The following CABYR variants were observed in gnomAD, a reference collection of about 807,000 sequenced individuals.
CABYR encodes the protein calcium binding tyrosine phosphorylation regulated.
Under a neutral mutation model 36.1 loss-of-function variants are expected in CABYR, and 31 were observed. The observed-to-expected ratio is 0.86, with a 90% confidence interval of 0.64 to 1.16. The LOEUF (loss-of-function observed/expected upper bound fraction) is 1.16, where lower values mean the gene tolerates loss of function less well. Among genes scored for constraint, CABYR ranks in the 50% most tolerant of loss-of-function variants. CABYR has a pLI of 0.00. For synonymous variants in CABYR, 146 were observed against 160.7 expected, an observed-to-expected ratio of 0.91 and a Z score of 0.69; for missense variants, 429 against 455.8, an observed-to-expected ratio of 0.94 and a Z score of 0.53.
intron 3 of CABYR, among the ~76,000 whole-genome samples, chr18:24,149,877 C>A (rs1220788003): frequency 6.6e-6 from 1 of 152,236 alleles, no homozygotes; most frequent in Non-Finnish European, 1.5e-5. Flanking sequence ...CATGCCCACT[C>A]GGAACTCCAG....
chr18:24,154,352 A>C (rs1377041893), intron 3 of CABYR, among the ~76,000 whole-genome samples: 4 of 152,166 alleles, frequency 2.6e-5, no homozygotes, highest in Admixed American at 2.6e-4. Context: ...GCTTTCCTAA[A>C]AACTGGATGG....
At position 24,140,863 on chromosome 18, in the gene CABYR, A is replaced by G. The variant is rs140235654; in HGVS notation, c.-25+1745A>G. On this transcript the variant is annotated intron_variant, in intron 1 of 5. Coordinates refer to ENST00000399496, the MANE Select transcript of CABYR (RefSeq NM_153769.3). ...CTCCAGTTCCATCCACTTTGTTGCA[A>G]ATGACAGGATCTCATTCTTTTTTAA... Among the ~76,000 whole-genome samples the G allele has an allele frequency of 3.5e-3, 532 of 152,238 alleles. 3 individuals are homozygous for G. Among genetic ancestry groups the G allele is most frequent in the Non-Finnish European group, 6.2e-3 (419 of 68,026 alleles).
At chr18:24,142,093 G>A (rs763701890) in intron 1 of CABYR, among the ~76,000 whole-genome samples, 3 of 152,192 alleles carry the variant, frequency 2.0e-5, no homozygotes, top group African/African-American at 4.8e-5. Context: ...GGGAGCCTGT[G>A]GGTGGATCAC....
chr18:24,139,290 G>C (rs573452439), intron 1 of CABYR, among the ~76,000 whole-genome samples, 172 bp downstream of exon 1: 1 of 152,256 alleles, frequency 6.6e-6, no homozygotes, highest in South Asian at 2.1e-4. Flanking sequence ...CGACCAGACG[G>C]CCAGCTGCCG....
At chr18:24,155,627 CCTT>C in intron 3 of CABYR, 71 bp from the exon 4 acceptor site, 1 of 1,139,196 alleles carries the variant, frequency 8.8e-7, no homozygotes, top group Non-Finnish European at 1.3e-6. Context: ...CCTATTATTG[CCTT>C]CTTTAAAAAT....
In CABYR at chr18:24,156,026, T is replaced by G; in HGVS notation, c.525T>G (p.Leu175=). Residue 175 remains leucine (L), a synonymous_variant, in exon 4 of 6, where the codon CTT becomes CTG. Transcript: ENST00000399496. ...ACGTCCCAGCTGACCCAGCTCAGCTTGCTGCTCAGATGTTAGGTAAAGTTT... is the reference window on the plus strand; with the variant it reads ...ACGTCCCAGCTGACCCAGCTCAGCTGGCTGCTCAGATGTTAGGTAAAGTTT... ...FAYVPADPAQ[L]AAQMLAMATS... is the part of the protein sequence containing the mutation. 6.2e-7 allele frequency: 1 copy of G among 1,614,206 alleles called. No individual in the cohort carries two copies.
At chr18:24,161,195 C>G (rs2085970673) in intron 5 of CABYR, among the ~76,000 whole-genome samples, 1 of 152,154 alleles carries the variant, frequency 6.6e-6, no homozygotes, top group Non-Finnish European at 1.5e-5. Context: ...AGTTGAGCAT[C>G]TGAGAGATCG....
rs1437808147 is a variant in CABYR, at chr18:24,155,945, G to C, written c.444G>C (p.Lys148Asn). ...TTTCTTCCAAACCAGCCACCCCTAA[G>C]ACTACTACCCCACCCTCATCACCAC... ...GGLSSKPATPKTTTPPSSPPP... is the reference protein window; with the variant it reads ...GGLSSKPATPNTTTPPSSPPP... Residue 148 changes from lysine (K) to asparagine (N), a missense_variant, in exon 4 of 6, where the codon AAG becomes AAC. Coordinates refer to ENST00000399496, the MANE Select transcript of CABYR (RefSeq NM_153769.3). 1 of 1,614,022 alleles carries C rather than the reference G, an allele frequency of 6.2e-7. No individual in the cohort carries two copies. The highest frequency in any genetic ancestry group is 1.7e-5 in the Admixed American group (1 of 59,990).
intron 3 of CABYR, among the ~76,000 whole-genome samples, chr18:24,149,786 C>T (rs1235695226): frequency 6.6e-6 from 1 of 152,258 alleles, no homozygotes; most frequent in Non-Finnish European, 1.5e-5. Context: ...CCTATGCAGC[C>T]ACTGGCCTGG....
chr18:24,160,160 A>AAAAC (rs2085915168), intron 5 of CABYR, 91 bp downstream of exon 5: 1 of 949,168 alleles, frequency 1.1e-6, no homozygotes, highest in East Asian at 2.4e-5. Flanking sequence ...TAGATATTTA[A>AAAAC]AAACAATTTG....
In CABYR at chr18:24,156,033, C is replaced by T. The variant is rs1324648758; in HGVS notation, c.532C>T (p.Gln178Ter). ...AGCTGACCCAGCTCAGCTTGCTGCT[C>T]AGATGTTAGGTAAAGTTTCATCTAT... ...VPADPAQLAA[Q>*]MLAMATSERG... The change falls in exon 4 of 6, where the codon CAG (glutamine) becomes TAG (stop). Residue 178 changes from glutamine to a stop codon, truncating the protein, a stop_gained. Transcript: ENST00000399496. LOFTEE classifies it high-confidence loss of function. 1 of 1,614,216 alleles carries T rather than the reference C, an allele frequency of 6.2e-7. No individual in the cohort carries two copies. Among genetic ancestry groups the T allele is most frequent in the South Asian group, 1.1e-5 (1 of 91,076 alleles).
chr18:24,148,578 G>T, intron 3 of CABYR: 1 of 160,046 alleles, frequency 6.2e-6, no homozygotes, highest in South Asian at 2.0e-4. Flanking sequence ...CTTTAAGAAT[G>T]AAGCCGCGGA....
At chr18:24,144,015 A>G (rs1343187722) in intron 3 of CABYR, among the ~76,000 whole-genome samples, 1 of 151,840 alleles carries the variant, frequency 6.6e-6, no homozygotes, top group Non-Finnish European at 1.5e-5. Context: ...CTCCTGCCTC[A>G]GCCTCCCGAG....
chr18:24,148,014 G>C (rs567129678), intron 3 of CABYR, among the ~76,000 whole-genome samples: 1 of 152,322 alleles, frequency 6.6e-6, no homozygotes, highest in South Asian at 2.1e-4. Context: ...TCATGCTACT[G>C]CTCCAGGTGT....
At chr18:24,150,651 T>G in intron 3 of CABYR, 1 of 724,256 alleles carries the variant, frequency 1.4e-6, no homozygotes, top group African/African-American at 1.9e-5. Flanking sequence ...TTCCAATCAG[T>G]TCAATACAGA....
intron 4 of CABYR, chr18:24,156,664 C>CT (rs1371453976): frequency 1.9e-6 from 3 of 1,614,082 alleles, no homozygotes; most frequent in Non-Finnish European, 2.5e-6. Context: ...GCTCTGCTCT[C>CT]TGACACATCT....
At position 24,159,951 on chromosome 18, in the gene CABYR, G is replaced by A; in HGVS notation, c.1021G>A (p.Val341Ile). Residue 341 changes from valine to isoleucine, a missense_variant, in exon 5 of 6, where the codon GTA becomes ATA. Coordinates refer to ENST00000399496, the MANE Select transcript of CABYR (RefSeq NM_153769.3). ...FLSVAFPVED[V>I]AKKSSGSGDK... ...TTCTGTTGCTTTCCCAGTAGAAGAT[G>A]TAGCTAAAAAAAGTTCAGGATCTGG... 1.2e-6 allele frequency: 2 copies of A among 1,614,140 alleles called. No homozygotes were observed. The highest frequency in any genetic ancestry group is 1.7e-6 in the Non-Finnish European group (2 of 1,180,028).
At chr18:24,157,739 C>T (rs1306458162) in intron 4 of CABYR, among the ~76,000 whole-genome samples, 2 of 152,194 alleles carry the variant, frequency 1.3e-5, no homozygotes, top group Non-Finnish European at 2.9e-5. Flanking sequence ...TGAACTATCA[C>T]CATGTTTTCC....
At position 24,159,882 on chromosome 18, in the gene CABYR, C is replaced by T; in HGVS notation, c.952C>T (p.Pro318Ser). The stretch of plus-strand genomic sequence containing the variant: ...CCTAAGTCCCCAGAATGCTAATCCT[C>T]CAAGTGGACAAGATGTCCCCAGGCC... ...HTLSPQNANPPSGQDVPRPKS... is the reference protein window; with the variant it reads ...HTLSPQNANPSSGQDVPRPKS... The change falls in exon 5 of 6, where the codon CCA becomes TCA. Residue 318 changes from proline (P) to serine (S), a missense_variant. Transcript: ENST00000399496. 1 of 1,614,176 alleles carries T rather than the reference C, an allele frequency of 6.2e-7. No homozygotes were observed. The highest frequency in any genetic ancestry group is 8.5e-7 in the Non-Finnish European group (1 of 1,180,054).
Sources: allele counts gnomAD v4.1 joint callset (sites outside exome capture counted in the v4.1 genomes callset), GRCh38; gene constraint gnomAD v4.1.1; transcripts MANE v1.5; gene names NCBI Gene and HGNC (gene_info 2026-07-23, HGNC 2026-07-21).